The following AGBL3 variants were observed in gnomAD, a reference collection of about 807,000 sequenced individuals.
The protein encoded by AGBL3 is cytosolic carboxypeptidase 3.
A neutral mutation model predicts 94.5 loss-of-function variants in AGBL3; 68 were observed. The ratio of observed to expected loss-of-function variants is 0.72; its 90% CI spans 0.59 to 0.88. The LOEUF (loss-of-function observed/expected upper bound fraction) is 0.88, where lower values mean the gene tolerates loss of function less well. AGBL3 is among the 40% of genes least tolerant of loss of function. The pLI, the probability that AGBL3 is intolerant of heterozygous loss-of-function variation, is 0.00. For missense variants in AGBL3, 934 were observed against 1,103.8 expected, an observed-to-expected ratio of 0.85 and a Z score of 2.18; for synonymous variants, 354 against 370.7, an observed-to-expected ratio of 0.95 and a Z score of 0.52.
In AGBL3 at chr7:135,059,174, G is replaced by T. The variant is rs375014126; in HGVS notation, c.1847G>T (p.Arg616Leu). The change falls in exon 12 of 17, where the codon CGA becomes CTA. Residue 616 changes from arginine to leucine, a missense_variant. Around this residue, in one of 3 missense-constraint regions of AGBL3, gnomAD observed 441 missense variants for 518.2 expected, o/e 0.85. Coordinates refer to ENST00000436302, the MANE Select transcript of AGBL3 (RefSeq NM_178563.4). ...DITLDVESSSRGSDSSESIDS... is the reference protein window; with the variant it reads ...DITLDVESSSLGSDSSESIDS... Reference sequence around the variant, plus strand: ...CAAAATTATTTTTTTTGTAGTAGCCGAGGCTCTGACAGTTCAGAATCCATT... The same window carrying T: ...CAAAATTATTTTTTTTGTAGTAGCCTAGGCTCTGACAGTTCAGAATCCATT... 1.3e-6 allele frequency: 2 copies of T among 1,550,224 alleles called. No homozygotes were observed. The highest frequency in any genetic ancestry group is 2.4e-5 in the South Asian group (2 of 83,802).
chr7:135,099,161 G>T (rs1371094300), intron 15 of AGBL3, among the ~76,000 whole-genome samples: 1 of 142,948 alleles, frequency 7.0e-6, no homozygotes, highest in African/African-American at 2.6e-5. Context: ...ACTATTTTTT[G>T]GTCTGGTATA....
chr7:135,115,821 T>C (rs1026919096), intron 16 of AGBL3: 8 of 492,890 alleles, frequency 1.6e-5, no homozygotes, highest in Non-Finnish European at 2.2e-5. Context: ...TAATTGATTA[T>C]TTGCATGAAA....
intron 5 of AGBL3, among the ~76,000 whole-genome samples, chr7:135,021,054 TA>T (rs58072725): frequency 0.2 from 3,577 of 17,594 alleles, 141 homozygotes; most frequent in African/African-American, 0.22. Context: ...ACTTAAATAA[TA>T]AAAAAAAAAA....
intron 12 of AGBL3, 63 bp downstream of exon 12, chr7:135,059,298 T>A: frequency 8.4e-7 from 1 of 1,192,204 alleles, no homozygotes; most frequent in Non-Finnish European, 1.1e-6. Flanking sequence ...TTATTGTGAC[T>A]AATAATCAGG....
At chr7:135,100,198 A>C (rs1823611944) in intron 15 of AGBL3, 3 of 152,098 alleles carry the variant, frequency 2.0e-5, no homozygotes, top group Admixed American at 2.0e-4. Flanking sequence ...CTCTTTAAAA[A>C]AAAAAAAAAC....
intron 16 of AGBL3, among the ~76,000 whole-genome samples, chr7:135,125,746 A>G (rs1252439366): frequency 6.6e-6 from 1 of 152,262 alleles, no homozygotes; most frequent in Non-Finnish European, 1.5e-5. Flanking sequence ...CAACATATGC[A>G]AATCAATAAA....
In AGBL3 at chr7:135,045,877, C is replaced by G. The variant is rs1817309858; in HGVS notation, c.1807C>G (p.Pro603Ala). ...AAAAGTCTTTGAGGATTCAGACACA[C>G]CTGTGATAGACATTACATTGGATGT... ...LEKVFEDSDTPVIDITLDVES... is the reference protein window; with the variant it reads ...LEKVFEDSDTAVIDITLDVES... Residue 603 changes from proline (P) to alanine (A), a missense_variant, in exon 11 of 17, where the codon CCT (proline) becomes GCT (alanine). This residue lies in a region of AGBL3 where 441 missense variants were observed against 518.2 expected (regional missense o/e 0.85). Coordinates refer to ENST00000436302, the MANE Select transcript of AGBL3 (RefSeq NM_178563.4). 2 of 1,549,844 alleles carry G rather than the reference C, an allele frequency of 1.3e-6. No individual in the cohort carries two copies. Among genetic ancestry groups the G allele is most frequent in the Non-Finnish European group, 1.7e-6 (2 of 1,145,762 alleles).
At chr7:135,089,258 T>A (rs562776248) in intron 15 of AGBL3, among the ~76,000 whole-genome samples, 42 of 152,238 alleles carry the variant, frequency 2.8e-4, no homozygotes, top group Non-Finnish European at 5.6e-4. Flanking sequence ...TTATGAACTG[T>A]TTTCCTAATT....
intron 4 of AGBL3, among the ~76,000 whole-genome samples, chr7:135,007,680 GA>G (rs531677800): frequency 6.7e-4 from 102 of 151,990 alleles, no homozygotes; most frequent in African/African-American, 2.4e-3. Flanking sequence ...TAGACAGAAA[GA>G]GAAGTTTAAA....
intron 15 of AGBL3, among the ~76,000 whole-genome samples, chr7:135,109,734 T>C (rs1216185349): frequency 6.6e-6 from 1 of 152,182 alleles, no homozygotes; most frequent in Non-Finnish European, 1.5e-5. Flanking sequence ...CCAGTGCCTG[T>C]GTGAAAAAGC....
chr7:135,039,877 GA>G (rs977865280), intron 8 of AGBL3, among the ~76,000 whole-genome samples: 5 of 151,716 alleles, frequency 3.3e-5, no homozygotes, highest in East Asian at 1.9e-4. Flanking sequence ...GAGAGACAAT[GA>G]AAAAAAATCA....
At position 135,033,019 on chromosome 7, in the gene AGBL3, A is replaced by T. The variant is rs147068130; in HGVS notation, c.557+37A>T. The T allele has an allele frequency of 5.3e-4, 785 of 1,489,638 alleles. 8 individuals are homozygous for T. In the East Asian group the frequency reaches 0.02, roughly 37 times the overall value. 92.3% of individuals were successfully genotyped at this position (1,489,638 alleles called of 1,614,324 possible). A position where few individuals can be genotyped will look rare whatever the true frequency, so the allele number is the denominator to read the frequency against. On this transcript the variant is annotated intron_variant, in intron 6 of 16. Transcript: ENST00000436302. ...TTATTTTTATTTAAGGAGCTAGACCATCAACTATTATTTTCTGTATCAAGT... is the reference window on the plus strand; with the variant it reads ...TTATTTTTATTTAAGGAGCTAGACCTTCAACTATTATTTTCTGTATCAAGT...
chr7:134,993,794 A>C, intron 4 of AGBL3, 116 bp downstream of exon 4: 2 of 836,268 alleles, frequency 2.4e-6, no homozygotes, highest in Non-Finnish European at 3.4e-6. Flanking sequence ...GAAATATAAC[A>C]TGAGCCACAT....
Position 135,026,244 on chromosome 7 carries a change from A to ATTATTTTATTTTATT in AGBL3, c.419-6566_419-6552dup, listed in dbSNP as rs1554497685. Among the ~76,000 whole-genome samples the ATTATTTTATTTTATT allele has an allele frequency of 5.5e-3, 447 of 81,466 alleles. 10 individuals carry two copies. Among genetic ancestry groups the ATTATTTTATTTTATT allele is most frequent in the Middle Eastern group, 0.019 (3 of 154 alleles). The allele number at this position is 81,466 out of a possible 152,430, so 53.4% of individuals were successfully genotyped here. On this transcript the variant is annotated intron_variant, in intron 5 of 16. Transcript: ENST00000436302. ...TGCAATAAAAATAGAAATGAATACC[A>ATTATTTTATTTTATT]TTATTTTATTTTATTTTATTTTATT... is the stretch of plus-strand genomic sequence containing the variant.
intron 15 of AGBL3, among the ~76,000 whole-genome samples, chr7:135,085,168 C>T (rs1178776856): frequency 6.6e-6 from 1 of 152,100 alleles, no homozygotes; most frequent in Admixed American, 6.5e-5. Context: ...CTATTCAGCT[C>T]ATTTGCCCAT....
chr7:135,124,320 A>G (rs1827560601), intron 16 of AGBL3, among the ~76,000 whole-genome samples: 1 of 152,356 alleles, frequency 6.6e-6, no homozygotes, highest in Non-Finnish European at 1.5e-5. Flanking sequence ...CATAATGGTA[A>G]AGGGAACAAT....
intron 5 of AGBL3, among the ~76,000 whole-genome samples, chr7:135,025,887 C>T (rs1815035123): frequency 7.2e-6 from 1 of 139,482 alleles, no homozygotes; most frequent in Admixed American, 7.7e-5. Flanking sequence ...CTTAACTATC[C>T]TAAATATATA....
At chr7:135,016,263 C>T (rs1584840928) in intron 4 of AGBL3, among the ~76,000 whole-genome samples, 1 of 152,138 alleles carries the variant, frequency 6.6e-6, no homozygotes, top group South Asian at 2.1e-4. Flanking sequence ...TCATTTAACT[C>T]TACAATACAG....
At chr7:135,048,952 G>C (rs1013455731) in intron 11 of AGBL3, among the ~76,000 whole-genome samples, 9 of 151,746 alleles carry the variant, frequency 5.9e-5, no homozygotes, top group Non-Finnish European at 1.0e-4. Flanking sequence ...CCTTGTTCCT[G>C]ATCTTAGAGT....
Sources: gnomAD v4.1 joint callset for allele counts (sites outside exome capture counted in the v4.1 genomes callset) on GRCh38, gnomAD v4.1.1 for gene constraint, gnomAD v4.1.1 regional missense constraint, MANE v1.5 for transcripts, NCBI Gene and HGNC (gene_info 2026-07-23, HGNC 2026-07-21) for gene names.